The following DACH2 variants were observed in gnomAD, a reference collection of about 807,000 sequenced individuals.
DACH2 encodes dachshund family transcription factor 2, also known as dachshund homolog 2.
DACH2 carries 17 observed loss-of-function variants against 35.8 expected under a neutral mutation model. The observed-to-expected ratio is 0.48, with a 90% CI of 0.33 to 0.71. The LOEUF is 0.71. Ranked by LOEUF, DACH2 falls within the 30% of genes least tolerant of loss-of-function variation. The probability of loss-of-function intolerance (pLI) is 0.02; values close to 1 mark genes in which losing one functional copy is unlikely to be tolerated. For missense variants in DACH2, 469 were observed against 472.7 expected (o/e 0.99, Z 0.07); for synonymous variants, 195 against 177.3 (o/e 1.10, Z -0.79).
chrX:86,715,347 A>G (rs1040783294), intron 6 of DACH2, among the ~76,000 whole-genome samples: 10 of 111,652 alleles, frequency 9.0e-5, no homozygotes, highest in African/African-American at 3.3e-4. Flanking sequence ...TTAGAATACT[A>G]TTTTTCAAGT....
At chrX:86,632,338 T>C (rs1215635661) in intron 3 of DACH2, among the ~76,000 whole-genome samples, 1 of 111,176 alleles carries the variant, frequency 9.0e-6, no homozygotes, top group African/African-American at 3.3e-5. Flanking sequence ...CCTGCTTCAC[T>C]TTTCCACTCT....
At chrX:86,509,767 G>T (rs773439367) in intron 2 of DACH2, among the ~76,000 whole-genome samples, 5 of 112,040 alleles carry the variant, frequency 4.5e-5, no homozygotes, top group Non-Finnish European at 9.4e-5. Flanking sequence ...CACTTTCATA[G>T]TCAGGTAAAC....
intron 2 of DACH2, among the ~76,000 whole-genome samples, chrX:86,458,572 C>T (rs2037514864): frequency 9.0e-6 from 1 of 111,363 alleles, no homozygotes; most frequent in South Asian, 3.7e-4. Flanking sequence ...ATGATGTGGT[C>T]ATGAAATAAC....
At chrX:86,721,548 G>T in intron 6 of DACH2, among the ~76,000 whole-genome samples, 1 of 111,513 alleles carries the variant, frequency 9.0e-6, no homozygotes, top group Non-Finnish European at 1.9e-5. Flanking sequence ...CCCATTCAAT[G>T]AGTCTCTAGA....
chrX:86,330,212 A>G (rs1280953406), intron 1 of DACH2, among the ~76,000 whole-genome samples: 1 of 111,454 alleles, frequency 9.0e-6, no homozygotes, highest in Non-Finnish European at 1.9e-5. Context: ...CCTATTTTAG[A>G]TCATCAAAAT....
chrX:86,613,730 T>A (rs967488081), intron 3 of DACH2, among the ~76,000 whole-genome samples: 6 of 111,622 alleles, frequency 5.4e-5, no homozygotes, highest in Non-Finnish European at 1.1e-4. Context: ...TGCCAGATAG[T>A]ATGATCTCTT....
intron 1 of DACH2, among the ~76,000 whole-genome samples, chrX:86,338,916 CA>C (rs1299479187): frequency 1.8e-5 from 2 of 111,912 alleles, no homozygotes; most frequent in African/African-American, 6.5e-5. Flanking sequence ...TACAAACTAC[CA>C]TCAGAGAATA....
At position 86,488,391 on chromosome X, in the gene DACH2, CA is replaced by C. The variant is rs753714921; in HGVS notation, c.528-25887del. 1.4e-4 allele frequency among the ~76,000 whole-genome samples: 15 copies of C among 110,888 alleles called. No individual in the cohort carries two copies. The South Asian group carries it at 5.3e-3, about 39-fold the overall frequency. On this transcript the variant is annotated intron_variant, in intron 2 of 11. Transcript: ENST00000373125. The stretch of plus-strand genomic sequence containing the variant: ...ACTAACTCTTGTCTATGGTTTCATT[CA>C]GCTTTAATATTCTTGGATTATTTAT...
At chrX:86,198,820 G>A (rs1389923179) in intron 1 of DACH2, among the ~76,000 whole-genome samples, 2 of 110,723 alleles carry the variant, frequency 1.8e-5, no homozygotes, top group East Asian at 2.9e-4. Flanking sequence ...AATCACAGCT[G>A]AATTCTATCA....
chrX:86,176,006 T>G (rs1289157073), intron 1 of DACH2, among the ~76,000 whole-genome samples: 1 of 111,603 alleles, frequency 9.0e-6, no homozygotes, highest in African/African-American at 3.3e-5. Flanking sequence ...GTCAATGTGA[T>G]TGTGTGTTTT....
intron 2 of DACH2, among the ~76,000 whole-genome samples, chrX:86,386,305 G>T (rs2036121586): frequency 9.0e-6 from 1 of 111,218 alleles, no homozygotes; most frequent in Non-Finnish European, 1.9e-5. Context: ...GACCCCAGAG[G>T]CAAAATGCCA....
At chrX:86,392,391 C>T (rs1007205846) in intron 2 of DACH2, among the ~76,000 whole-genome samples, 1 of 111,252 alleles carries the variant, frequency 9.0e-6, no homozygotes, top group Admixed American at 9.6e-5. Context: ...TCCCAAAGTA[C>T]TAAATAAAGA....
In DACH2 at chrX:86,435,666, G is replaced by T. The variant is rs754629332; in HGVS notation, c.527+58804G>T. ...GATACAGTTGCAAATTTAGGTAAAG[G>T]TTGAATTTCTATTCTTTCCAAAGCC... On this transcript the variant is annotated intron_variant, in intron 2 of 11. Coordinates refer to ENST00000373125, the MANE Select transcript of DACH2 (RefSeq NM_053281.3). 1.6e-4 allele frequency among the ~76,000 whole-genome samples: 18 copies of T among 111,726 alleles called. No homozygotes were observed. In the East Asian group the frequency reaches 4.2e-3, roughly 26 times the overall value.
At chrX:86,364,125 T>C (rs1465972330) in intron 1 of DACH2, among the ~76,000 whole-genome samples, 1 of 111,897 alleles carries the variant, frequency 8.9e-6, no homozygotes, top group African/African-American at 3.2e-5. Context: ...CTGCCTATTT[T>C]GCATGGCATT....
intron 3 of DACH2, among the ~76,000 whole-genome samples, chrX:86,590,970 C>T (rs928469135): frequency 9.1e-6 from 1 of 110,407 alleles, no homozygotes; most frequent in African/African-American, 3.3e-5. Context: ...CCCCTTCCCC[C>T]TTCCCCGCAC....
intron 1 of DACH2, among the ~76,000 whole-genome samples, chrX:86,288,822 T>C (rs1293044008): frequency 2.7e-5 from 3 of 112,249 alleles, no homozygotes; most frequent in Non-Finnish European, 5.6e-5. Flanking sequence ...AGAAATGCTG[T>C]ACTATAGCCA....
At chrX:86,529,286 C>T (rs756241001) in intron 3 of DACH2, among the ~76,000 whole-genome samples, 117 of 110,805 alleles carry the variant, frequency 1.1e-3, no homozygotes, top group African/African-American at 3.5e-3. Context: ...CTAAAGTGAT[C>T]CTCCTGCCTC....
chrX:86,332,694 C>A (rs756704572), intron 1 of DACH2, among the ~76,000 whole-genome samples: 1 of 111,340 alleles, frequency 9.0e-6, no homozygotes, highest in Non-Finnish European at 1.9e-5. Flanking sequence ...AAAAATTATA[C>A]CAAATTGAAT....
At chrX:86,470,152 C>A (rs1237622354) in intron 2 of DACH2, among the ~76,000 whole-genome samples, 2 of 111,291 alleles carry the variant, frequency 1.8e-5, no homozygotes, top group Non-Finnish European at 3.8e-5. Context: ...GATAAAAAGT[C>A]TTCACGTGTA....
Sources: gnomAD v4.1 joint callset for allele counts (sites outside exome capture counted in the v4.1 genomes callset) on GRCh38, gnomAD v4.1.1 for gene constraint, MANE v1.5 for transcripts, NCBI Gene and HGNC (gene_info 2026-07-23, HGNC 2026-07-21) for gene names.